CCSER1: variants seen among roughly 807,000 people sequenced by gnomAD.
The protein encoded by CCSER1 is coiled-coil serine rich protein 1.
In CCSER1, 41 loss-of-function variants were observed where a neutral mutation model predicts 82.0. The ratio of observed to expected loss-of-function variants is 0.50; its 90% confidence interval spans 0.39 to 0.65. CCSER1 has a LOEUF of 0.65. Ranked by LOEUF, CCSER1 falls within the 30% of genes least tolerant of loss-of-function variation. The pLI is 0.00. For synonymous variants in CCSER1, 414 were observed against 383.9 expected, an observed-to-expected ratio of 1.08 and a Z score of -0.92; for missense variants, 1,119 against 1,064.2, an observed-to-expected ratio of 1.05 and a Z score of -0.72.
chr4:91,475,877 G>A (rs910577989), intron 10 of CCSER1, among the ~76,000 whole-genome samples: 1 of 151,726 alleles, frequency 6.6e-6, no homozygotes, highest in Non-Finnish European at 1.5e-5. Context: ...TCCCACATAT[G>A]AGTGAGAATG....
chr4:91,544,287 G>A (rs767941314), intron 10 of CCSER1, among the ~76,000 whole-genome samples: 16 of 151,990 alleles, frequency 1.1e-4, no homozygotes, highest in Non-Finnish European at 1.6e-4. Context: ...ACTACCAATC[G>A]TCTGAAGCCT....
rs1755111930 is a variant in CCSER1 at position 91,441,221 on chromosome 4, A to G, written c.2218-157351A>G. 2.0e-5 allele frequency among the ~76,000 whole-genome samples: 3 copies of G among 151,882 alleles called. No homozygotes were observed. In the South Asian group the frequency reaches 6.2e-4, roughly 31 times the overall value. ...ATGAACATTGATACAAAAATCCTCA[A>G]TAAAATACTGGCAAACCGAATCCAG... On this transcript the variant is annotated intron_variant, in intron 10 of 10. Transcript: ENST00000509176.
chr4:90,496,543 T>C (rs1578805675), intron 5 of CCSER1, among the ~76,000 whole-genome samples: 1 of 152,320 alleles, frequency 6.6e-6, no homozygotes, highest in Middle Eastern at 3.4e-3. Context: ...TTTTTTCAGA[T>C]ATTTATGGAG....
chr4:90,977,895 T>C (rs1409036553), intron 9 of CCSER1, among the ~76,000 whole-genome samples: 1 of 151,674 alleles, frequency 6.6e-6, no homozygotes, highest in Non-Finnish European at 1.5e-5. Context: ...ATCTGTTTAA[T>C]TCTATAATAT....
intron 9 of CCSER1, among the ~76,000 whole-genome samples, chr4:90,974,001 C>T (rs1052231933): frequency 6.6e-5 from 10 of 151,358 alleles, no homozygotes; most frequent in Non-Finnish European, 7.4e-5. Context: ...TATGGAAAAT[C>T]TAAAAATCAC....
intron 3 of CCSER1, among the ~76,000 whole-genome samples, chr4:90,314,191 A>AT (rs1163850042): frequency 1.3e-5 from 2 of 152,174 alleles, no homozygotes; most frequent in African/African-American, 4.8e-5. Context: ...TCTTGTTTCC[A>AT]TTATACTAAA....
At chr4:90,132,241 C>A (rs932781670) in intron 1 of CCSER1, among the ~76,000 whole-genome samples, 3 of 152,144 alleles carry the variant, frequency 2.0e-5, no homozygotes, top group Admixed American at 6.5e-5. Flanking sequence ...TGGTTTTGGA[C>A]TATATGTCAC....
intron 4 of CCSER1, among the ~76,000 whole-genome samples, chr4:90,407,397 G>GA: frequency 6.6e-6 from 1 of 152,156 alleles, no homozygotes; most frequent in Middle Eastern, 3.2e-3. Context: ...GGACCAGATG[G>GA]ATTCACAACT....
chr4:90,873,825 G>A (rs2150042104), intron 8 of CCSER1, among the ~76,000 whole-genome samples: 1 of 152,116 alleles, frequency 6.6e-6, no homozygotes, highest in African/African-American at 2.4e-5. Context: ...TCTTATACTG[G>A]TTCTATTTTT....
chr4:90,780,773 T>C, intron 7 of CCSER1: 1 of 1,177,810 alleles, frequency 8.5e-7, no homozygotes, highest in Non-Finnish European at 1.0e-6. Flanking sequence ...GTAAACTAAA[T>C]TGACTAAAGT....
At chr4:90,189,179 A>T (rs1432977058) in intron 1 of CCSER1, among the ~76,000 whole-genome samples, 1 of 151,958 alleles carries the variant, frequency 6.6e-6, no homozygotes, top group African/African-American at 2.4e-5. Context: ...TGTCACGAGA[A>T]GGAAGGAAGT....
At chr4:91,460,284 C>T (rs538938654) in intron 10 of CCSER1, among the ~76,000 whole-genome samples, 1 of 152,110 alleles carries the variant, frequency 6.6e-6, no homozygotes, top group East Asian at 1.9e-4. Flanking sequence ...CTAGTGACTC[C>T]ATTAACATCT....
At chr4:90,178,470 T>A (rs1733117186) in intron 1 of CCSER1, among the ~76,000 whole-genome samples, 1 of 152,108 alleles carries the variant, frequency 6.6e-6, no homozygotes, top group Non-Finnish European at 1.5e-5. Context: ...ATATTTGATG[T>A]TAATTTTTGT....
chr4:90,926,820 A>G (rs1465829936), intron 9 of CCSER1, among the ~76,000 whole-genome samples: 1 of 152,076 alleles, frequency 6.6e-6, no homozygotes, highest in Non-Finnish European at 1.5e-5. Context: ...TTATTGAAAG[A>G]TCAAAGAATA....
At chr4:90,718,502 C>A (rs907443290) in intron 6 of CCSER1, among the ~76,000 whole-genome samples, 18 of 151,988 alleles carry the variant, frequency 1.2e-4, no homozygotes, top group African/African-American at 4.3e-4. Context: ...AGTACCCAAA[C>A]AAATAGATCA....
intron 1 of CCSER1, among the ~76,000 whole-genome samples, chr4:90,228,714 A>T (rs1743775993): frequency 5.3e-5 from 8 of 152,196 alleles, no homozygotes; most frequent in Admixed American, 5.2e-4. Flanking sequence ...AAGAAGTTGA[A>T]AACTTTGAGA....
chr4:90,546,106 T>C (rs1776717574), intron 5 of CCSER1, among the ~76,000 whole-genome samples: 1 of 144,990 alleles, frequency 6.9e-6, no homozygotes, highest in Admixed American at 6.7e-5. Context: ...CCCAGAAGCA[T>C]TGGCTGAAAT....
chr4:91,409,680 GTCTTTT>G (rs1190095231), intron 10 of CCSER1, among the ~76,000 whole-genome samples: 1 of 152,014 alleles, frequency 6.6e-6, no homozygotes, highest in African/African-American at 2.4e-5. Context: ...TAATTTCTTT[GTCTTTT>G]TCTTTTTTCT....
At chr4:91,421,678 A>T (rs1753690574) in intron 10 of CCSER1, among the ~76,000 whole-genome samples, 1 of 152,120 alleles carries the variant, frequency 6.6e-6, no homozygotes. Context: ...GGTAGTGATG[A>T]GCATGTTAAT....
Sources: allele counts gnomAD v4.1 joint callset (sites outside exome capture counted in the v4.1 genomes callset), GRCh38; gene constraint gnomAD v4.1.1; transcripts MANE v1.5; gene names NCBI Gene and HGNC (gene_info 2026-07-23, HGNC 2026-07-21).